MTCL3: variants seen among roughly 807,000 people sequenced by gnomAD.
MTCL3 encodes the protein microtubule cross-linking factor 3.
the MTCL3 span, among the ~76,000 whole-genome samples, chr6:127,492,168 C>A: frequency 6.6e-6 from 1 of 152,148 alleles, no homozygotes; most frequent in African/African-American, 2.4e-5. Flanking sequence ...TAGCTGTTAT[C>A]TGACCATAAA....
At chr6:127,497,905 G>T in the MTCL3 span, among the ~76,000 whole-genome samples, 9 of 152,254 alleles carry the variant, frequency 5.9e-5, no homozygotes, top group African/African-American at 1.9e-4. Context: ...GCAAAAAGAT[G>T]AATTTAGACT....
the MTCL3 span, among the ~76,000 whole-genome samples, chr6:127,480,734 T>C: frequency 1.3e-5 from 2 of 152,136 alleles, no homozygotes; most frequent in Non-Finnish European, 2.9e-5. Context: ...AGAATTACAA[T>C]AGAATGGTAT....
the MTCL3 span, chr6:127,516,207 G>A: frequency 2.1e-6 from 3 of 1,432,294 alleles, no homozygotes; most frequent in Admixed American, 8.9e-5. Context: ...GCCTCCTGCC[G>A]CCCAAAGCGG....
chr6:127,476,479 G>A, the MTCL3 span: 7 of 1,542,764 alleles, frequency 4.5e-6, no homozygotes, highest in South Asian at 6.3e-5. This position sits in a 1 kb window ranked among gnomAD's most constrained non-coding sequence, Gnocchi z 4.4. Flanking sequence ...CTCATTTGGG[G>A]GAAAAGAGGG....
the MTCL3 span, among the ~76,000 whole-genome samples, chr6:127,497,636 T>A: frequency 1.3e-5 from 2 of 152,128 alleles, no homozygotes; most frequent in South Asian, 2.1e-4. Context: ...ATTGTGCACG[T>A]CAAGCTGTTC....
the MTCL3 span, chr6:127,476,092 A>C: frequency 6.2e-7 from 1 of 1,614,028 alleles, no homozygotes; most frequent in Non-Finnish European, 8.5e-7. This position sits in a 1 kb window ranked among gnomAD's most constrained non-coding sequence, Gnocchi z 4.4. Flanking sequence ...GTGCTGCCGC[A>C]GCTCCGACAG....
the MTCL3 span, chr6:127,516,240 T>C: frequency 6.9e-7 from 1 of 1,445,460 alleles, no homozygotes; most frequent in Non-Finnish European, 9.0e-7. Context: ...CGGGGGCCGC[T>C]TCAGCACCAG....
the MTCL3 span, among the ~76,000 whole-genome samples, chr6:127,510,543 G>A: frequency 6.6e-6 from 1 of 152,154 alleles, no homozygotes. Context: ...GAAGTAAAAT[G>A]AAAATCAGAA....
At chr6:127,514,679 A>C in the MTCL3 span, 1 of 653,620 alleles carries the variant, frequency 1.5e-6, no homozygotes. Flanking sequence ...CTGAGACCCT[A>C]GTATTTTGTG....
chr6:127,479,434 G>A, the MTCL3 span, among the ~76,000 whole-genome samples: 1 of 152,210 alleles, frequency 6.6e-6, no homozygotes, highest in Non-Finnish European at 1.5e-5. Flanking sequence ...GCCAGGTAGG[G>A]TTGCATATGT....
chr6:127,499,182 T>C, the MTCL3 span, among the ~76,000 whole-genome samples: 2 of 152,074 alleles, frequency 1.3e-5, no homozygotes, highest in African/African-American at 4.8e-5. Flanking sequence ...AAACAGAAGA[T>C]AGCGTTAGAA....
the MTCL3 span, among the ~76,000 whole-genome samples, chr6:127,491,727 G>A: frequency 5.3e-5 from 8 of 151,896 alleles, no homozygotes; most frequent in East Asian, 1.5e-3. Context: ...TTAAAAGTTA[G>A]CCAGGCATGG....
the MTCL3 span, among the ~76,000 whole-genome samples, chr6:127,482,590 C>G: frequency 8.6e-4 from 131 of 152,264 alleles, no homozygotes; most frequent in Middle Eastern, 0.017. The surrounding 1 kb of genome is among the most constrained non-coding windows in gnomAD (Gnocchi z 4.1). Context: ...ATAGGAACAG[C>G]CTTTCTATTG....
At chr6:127,515,809 G>A in the MTCL3 span, 5 of 1,609,166 alleles carry the variant, frequency 3.1e-6, no homozygotes, top group South Asian at 5.5e-5. The surrounding 1 kb of genome is among the most constrained non-coding windows in gnomAD (Gnocchi z 4.3). Context: ...CGCCGCTGCC[G>A]CCCGCTCCTT....
chr6:127,489,889 A>G, the MTCL3 span, among the ~76,000 whole-genome samples: 5 of 152,232 alleles, frequency 3.3e-5, no homozygotes, highest in Non-Finnish European at 5.9e-5. Context: ...TCTAGGTAAG[A>G]TGATTGGTGA....
the MTCL3 span, among the ~76,000 whole-genome samples, chr6:127,479,898 C>A: frequency 6.6e-6 from 1 of 152,118 alleles, no homozygotes; most frequent in South Asian, 2.1e-4. Context: ...ATAGAAATAT[C>A]ATACATAATT....
the MTCL3 span, among the ~76,000 whole-genome samples, chr6:127,473,651 C>T: frequency 6.6e-6 from 1 of 152,108 alleles, no homozygotes; most frequent in African/African-American, 2.4e-5. Flanking sequence ...TTTTTCATAG[C>T]AAAGCAGAGC....
At chr6:127,501,702 G>C in the MTCL3 span, among the ~76,000 whole-genome samples, 1 of 152,096 alleles carries the variant, frequency 6.6e-6, no homozygotes, top group East Asian at 1.9e-4. Flanking sequence ...GAATATAAAT[G>C]CTCCAATTAA....
At chr6:127,488,552 T>TA in the MTCL3 span, among the ~76,000 whole-genome samples, 1 of 152,206 alleles carries the variant, frequency 6.6e-6, no homozygotes, top group Non-Finnish European at 1.5e-5. Flanking sequence ...CTTTATTTCT[T>TA]ACCTAGATTT....
Sources: gnomAD v4.1 joint callset for allele counts (sites outside exome capture counted in the v4.1 genomes callset) on GRCh38, gnomAD v4.1.1 for gene constraint, Gnocchi (gnomAD v3.1) non-coding constraint, MANE v1.5 for transcripts, NCBI Gene and HGNC (gene_info 2026-07-23, HGNC 2026-07-21) for gene names.